Variants in MARCHF3 observed in about 807,000 individuals in gnomAD.
MARCHF3 encodes membrane associated ring-CH-type finger 3.
Under a neutral mutation model 24.2 loss-of-function variants are expected in MARCHF3, and 13 were observed. That is an observed-to-expected ratio of 0.54 (90% confidence interval 0.35 to 0.85). The LOEUF (loss-of-function observed/expected upper bound fraction) is 0.85. Among genes scored for constraint, MARCHF3 ranks in the 40% least tolerant of loss-of-function variants. The probability of loss-of-function intolerance (pLI) is 0.01; values close to 1 mark genes in which losing one functional copy is unlikely to be tolerated. For synonymous variants in MARCHF3, 144 were observed against 137.3 expected (o/e 1.05, Z -0.34); for missense variants, 276 against 325.0 (o/e 0.85, Z 1.16).
intron 1 of MARCHF3, among the ~76,000 whole-genome samples, chr5:126,998,784 T>C (rs1261824198): frequency 6.6e-6 from 1 of 152,012 alleles, no homozygotes; most frequent in Admixed American, 6.6e-5. Flanking sequence ...TCCCTGTCAA[T>C]CCCCAGGACA....
At chr5:126,899,284 G>A (rs1432984859) in intron 3 of MARCHF3, 4 of 985,162 alleles carry the variant, frequency 4.1e-6, no homozygotes, top group Non-Finnish European at 4.8e-6. Flanking sequence ...AAAAAGTGAG[G>A]CAAAGAATTG....
chr5:126,981,668 T>C (rs1383379293), intron 1 of MARCHF3, among the ~76,000 whole-genome samples: 4 of 152,236 alleles, frequency 2.6e-5, no homozygotes, highest in Non-Finnish European at 5.9e-5. Flanking sequence ...TTTATGCTTG[T>C]GCATGCACAA....
At chr5:126,917,676 A>T (rs917007346) in intron 2 of MARCHF3, among the ~76,000 whole-genome samples, 3 of 152,164 alleles carry the variant, frequency 2.0e-5, no homozygotes, top group Non-Finnish European at 4.4e-5. Context: ...TTTGTTACCT[A>T]CTGGAGACAA....
At chr5:126,975,412 A>T (rs376029530) in intron 1 of MARCHF3, among the ~76,000 whole-genome samples, 3 of 152,234 alleles carry the variant, frequency 2.0e-5, no homozygotes, top group South Asian at 4.1e-4. Context: ...TTTGATATAC[A>T]TTGTACAAGG....
intron 1 of MARCHF3, among the ~76,000 whole-genome samples, chr5:126,997,999 G>C (rs1007742606): frequency 1.3e-5 from 2 of 152,236 alleles, no homozygotes; most frequent in South Asian, 4.1e-4. Flanking sequence ...AAGAACAACT[G>C]AGGAAATATT....
intron 1 of MARCHF3, among the ~76,000 whole-genome samples, chr5:126,967,290 C>T (rs1220782202): frequency 1.3e-5 from 2 of 152,080 alleles, no homozygotes; most frequent in African/African-American, 4.8e-5. Flanking sequence ...TCTAATTTGG[C>T]ATACACGATA....
chr5:126,957,606 T>C (rs1377126125), intron 1 of MARCHF3, among the ~76,000 whole-genome samples: 4 of 152,186 alleles, frequency 2.6e-5, no homozygotes, highest in Admixed American at 1.3e-4. Flanking sequence ...TTATATGTCA[T>C]CTTTATCTGT....
chr5:126,895,303 C>T (rs141370736), intron 3 of MARCHF3, among the ~76,000 whole-genome samples: 3,103 of 152,240 alleles, frequency 0.02, 79 homozygotes, highest in South Asian at 0.11. Flanking sequence ...GCCTTCTTCT[C>T]TCAGCTCCTC....
chr5:126,916,283 G>A (rs1445385904), intron 2 of MARCHF3, among the ~76,000 whole-genome samples: 1 of 152,180 alleles, frequency 6.6e-6, no homozygotes, highest in East Asian at 1.9e-4. Context: ...GTGTCCTCAT[G>A]ATATGTGACA....
At chr5:127,013,191 A>G (rs531290938) in intron 1 of MARCHF3, among the ~76,000 whole-genome samples, 4 of 152,306 alleles carry the variant, frequency 2.6e-5, no homozygotes, top group Admixed American at 1.3e-4. Flanking sequence ...AATACTTGAG[A>G]AATATTCCAG....
intron 1 of MARCHF3, among the ~76,000 whole-genome samples, chr5:126,990,020 T>C (rs1373134945): frequency 6.6e-6 from 1 of 151,974 alleles, no homozygotes; most frequent in Non-Finnish European, 1.5e-5. Context: ...ACCAAAGACT[T>C]TCTTCACAGA....
At chr5:126,938,463 TG>T (rs1749719940) in intron 1 of MARCHF3, among the ~76,000 whole-genome samples, 2 of 151,874 alleles carry the variant, frequency 1.3e-5, no homozygotes, top group South Asian at 4.2e-4. Context: ...CCACTGTGCC[TG>T]GCCTGTTGAT....
chr5:126,967,994 C>T (rs997560959), intron 1 of MARCHF3, among the ~76,000 whole-genome samples: 6 of 152,170 alleles, frequency 3.9e-5, no homozygotes, highest in Admixed American at 1.3e-4. Context: ...CCACCAGCCC[C>T]GGGCAACCAC....
At chr5:127,011,637 T>C (rs1016578233) in intron 1 of MARCHF3, among the ~76,000 whole-genome samples, 3 of 152,218 alleles carry the variant, frequency 2.0e-5, no homozygotes, top group African/African-American at 7.2e-5. Context: ...AAAAGGAAAC[T>C]GATTCCCTAA....
chr5:126,933,354 G>A (rs1430309870), intron 1 of MARCHF3, among the ~76,000 whole-genome samples: 1 of 151,896 alleles, frequency 6.6e-6, no homozygotes, highest in African/African-American at 2.4e-5. Context: ...TTCATAAACT[G>A]GACTCATTTC....
rs1319648094 is a variant in MARCHF3, at chr5:126,878,257, A to T, written c.531T>A (p.Ser177Arg). ...TCAGTCCGACGGCTTCCAGCCGACTACTAAAGTGCAGGTGGTCCACGGCGC... is the reference window on the plus strand; with the variant it reads ...TCAGTCCGACGGCTTCCAGCCGACTTCTAAAGTGCAGGTGGTCCACGGCGC... The part of the protein sequence containing the change: ...LRGAVDHLHF[S>R]SRLEAVGLIA... The change falls in exon 4 of 5, where the codon AGT (serine) becomes AGA (arginine). Residue 177 changes from serine to arginine, a missense_variant. Transcript: ENST00000308660. 1 of 1,614,264 alleles carries T rather than the reference A, an allele frequency of 6.2e-7. No individual in the cohort carries two copies. Among genetic ancestry groups the T allele is most frequent in the East Asian group, 2.2e-5 (1 of 44,886 alleles).
intron 1 of MARCHF3, among the ~76,000 whole-genome samples, chr5:127,000,391 C>T (rs114362618): frequency 3.6e-4 from 55 of 152,302 alleles, no homozygotes; most frequent in East Asian, 2.9e-3. Flanking sequence ...CTAAGTTATT[C>T]GGTCACTGAG....
At chr5:126,885,643 A>T (rs968398290) in intron 3 of MARCHF3, among the ~76,000 whole-genome samples, 1 of 152,230 alleles carries the variant, frequency 6.6e-6, no homozygotes, top group Non-Finnish European at 1.5e-5. Context: ...CTGAGATGCC[A>T]CTAGGTCTGA....
chr5:126,880,529 G>C (rs1000343652), intron 3 of MARCHF3, among the ~76,000 whole-genome samples: 1 of 152,128 alleles, frequency 6.6e-6, no homozygotes, highest in Non-Finnish European at 1.5e-5. Flanking sequence ...CCTGAGTACT[G>C]GGAATATCAC....
Sources: gnomAD v4.1 joint callset for allele counts (sites outside exome capture counted in the v4.1 genomes callset) on GRCh38, gnomAD v4.1.1 for gene constraint, MANE v1.5 for transcripts, NCBI Gene and HGNC (gene_info 2026-07-23, HGNC 2026-07-21) for gene names.